THAP2: variants seen among roughly 807,000 people sequenced by gnomAD.
THAP2 encodes THAP domain containing 2.
A neutral mutation model predicts 18.8 loss-of-function variants in THAP2; 16 were observed. That is an observed-to-expected ratio of 0.85 (90% CI 0.58 to 1.29). The LOEUF is 1.29. Among genes scored for constraint, THAP2 ranks in the 50% most tolerant of loss-of-function variants. THAP2 has a pLI of 0.00. For synonymous variants in THAP2, 80 were observed against 89.2 expected (o/e 0.90, Z 0.58); for missense variants, 251 against 265.3 (o/e 0.95, Z 0.38).
At chr12:71,676,604 A>G (rs1881523554) in intron 2 of THAP2, 85 bp from the exon 3 acceptor site, 1 of 1,395,990 alleles carries the variant, frequency 7.2e-7, no homozygotes, top group Admixed American at 2.4e-5. Flanking sequence ...AGCAGTTTAA[A>G]TACTGTTATC....
Position 71,664,475 on chromosome 12 carries a change from G to A in THAP2, c.-35G>A. On this transcript the variant is annotated 5_prime_UTR_variant, in exon 1 of 3. Transcript: ENST00000308086. ...AAGCTTAGCAGCCAGCGCCTCAGTA[G>A]AGACCTAAGGGCGCTGAATGAGTGG... The A allele has an allele frequency of 6.2e-7, 1 of 1,613,574 alleles. No individual in the cohort carries two copies. The highest frequency in any genetic ancestry group is 8.5e-7 in the Non-Finnish European group (1 of 1,179,588).
intron 1 of THAP2, among the ~76,000 whole-genome samples, chr12:71,671,805 T>G (rs751265287): frequency 4.6e-5 from 7 of 152,174 alleles, no homozygotes; most frequent in Admixed American, 4.6e-4. Context: ...TTAAAGACAT[T>G]GAGTTTGAGG....
Position 71,664,418 on chromosome 12 carries a change from C to G in THAP2, c.-92C>G. ...ACTAAGCTCTCACGATTAAGGCACG[C>G]CTGCCTCGATTGTCCAGCCTCTGCC... On this transcript the variant is annotated 5_prime_UTR_variant, in exon 1 of 3. Transcript: ENST00000308086. 1 of 1,514,586 alleles carries G rather than the reference C, an allele frequency of 6.6e-7. No homozygotes were observed. The highest frequency in any genetic ancestry group is 9.2e-7 in the Non-Finnish European group (1 of 1,091,602). 93.8% of individuals were successfully genotyped at this position (1,514,586 alleles called of 1,614,324 possible). A position where few individuals can be genotyped will look rare whatever the true frequency, so the allele number is the denominator to read the frequency against.
chr12:71,667,724 C>G (rs1479653486), intron 1 of THAP2: 1 of 152,158 alleles, frequency 6.6e-6, no homozygotes, highest in Non-Finnish European at 1.5e-5. Context: ...TAAATGTTCT[C>G]TAGGGAGGGG....
At chr12:71,676,297 G>A (rs978052372) in intron 2 of THAP2, among the ~76,000 whole-genome samples, 2 of 151,942 alleles carry the variant, frequency 1.3e-5, no homozygotes, top group Non-Finnish European at 2.9e-5. Context: ...TGAGAAAAGG[G>A]TATTTAATTA....
chr12:71,671,129 G>A (rs1881429926), intron 1 of THAP2, among the ~76,000 whole-genome samples: 1 of 151,952 alleles, frequency 6.6e-6, no homozygotes, highest in South Asian at 2.1e-4. Flanking sequence ...GGAAAGGCAG[G>A]CACGCTCAGT....
chr12:71,675,244 A>G (rs1881503668), intron 2 of THAP2, among the ~76,000 whole-genome samples: 1 of 152,092 alleles, frequency 6.6e-6, no homozygotes, highest in African/African-American at 2.4e-5. Context: ...TTTTAAATGT[A>G]TATGAGTTAT....
Position 71,677,000 on chromosome 12 carries a change from T to G in THAP2, c.579T>G (p.Thr193=), listed in dbSNP as rs1373593224. Residue 193 remains threonine (T), a synonymous_variant, in exon 3 of 3, where the codon ACT becomes ACG. Coordinates refer to ENST00000308086, the MANE Select transcript of THAP2 (RefSeq NM_031435.4). The stretch of plus-strand genomic sequence containing the variant: ...GTACATCAGAACACATGTTACCAAC[T>G]GCCTTAAGCAGTCTTCCTTTGGAAG... ...PKGTSEHMLP[T]ALSSLPLEDF... 4.0e-5 allele frequency: 64 copies of G among 1,613,656 alleles called. No homozygotes were observed. Among genetic ancestry groups the G allele is most frequent in the Non-Finnish European group, 5.3e-5 (63 of 1,179,656 alleles).
At chr12:71,673,378 T>C (rs577920875) in intron 1 of THAP2, among the ~76,000 whole-genome samples, 1 of 152,280 alleles carries the variant, frequency 6.6e-6, no homozygotes, top group Admixed American at 6.5e-5. Flanking sequence ...AAAATACACA[T>C]ATAATTGGAC....
chr12:71,674,076 T>C (rs1881483136), intron 1 of THAP2, 127 bp from the exon 2 acceptor site: 1 of 886,928 alleles, frequency 1.1e-6, no homozygotes, highest in South Asian at 2.3e-5. Context: ...TGTCTGGATA[T>C]TGTTAGTTTA....
In THAP2 at chr12:71,664,535, G is replaced by T; in HGVS notation, c.26G>T (p.Gly9Val). MPTNCAAAGCATTYNKHIN... is the reference protein window; with the variant it reads MPTNCAAAVCATTYNKHIN... ...ATGCCGACCAATTGCGCTGCGGCGGGCTGTGCCACTACCTACAACAAGCAC... is the reference window on the plus strand; with the variant it reads ...ATGCCGACCAATTGCGCTGCGGCGGTCTGTGCCACTACCTACAACAAGCAC... Residue 9 changes from glycine to valine, a missense_variant, in exon 1 of 3, where the codon GGC becomes GTC. Physicochemically the swap from Gly to Val is moderately radical, Grantham distance 109. Coordinates refer to ENST00000308086, the MANE Select transcript of THAP2 (RefSeq NM_031435.4). 6.2e-7 allele frequency: 1 copy of T among 1,614,170 alleles called. No individual in the cohort carries two copies. The highest frequency in any genetic ancestry group is 8.5e-7 in the Non-Finnish European group (1 of 1,180,030).
At chr12:71,668,806 G>A (rs1379034860) in intron 1 of THAP2, among the ~76,000 whole-genome samples, 1 of 152,150 alleles carries the variant, frequency 6.6e-6, no homozygotes, top group African/African-American at 2.4e-5. Context: ...TTCTATTACT[G>A]TCTAGATAAG....
At chr12:71,665,189 C>T (rs1223191549) in intron 1 of THAP2, 1 of 508,594 alleles carries the variant, frequency 2.0e-6, no homozygotes, top group Non-Finnish European at 3.5e-6. Flanking sequence ...TCTGTCAAAC[C>T]AGAACTCTTG....
rs563532780 is a variant in THAP2, at chr12:71,674,152, C to G, written c.72-51C>G. The G allele has an allele frequency of 9.5e-3, 14,173 of 1,485,624 alleles. 94 individuals are homozygous for G. Among genetic ancestry groups the G allele is most frequent in the Non-Finnish European group, 0.011 (11,999 of 1,113,594 alleles). 92.0% of individuals were successfully genotyped at this position (1,485,624 alleles called of 1,614,324 possible). On this transcript the variant is annotated intron_variant, in intron 1 of 2. Transcript: ENST00000308086. ...GAAATTTCTTTTAATCATTTAGGTG[C>G]AGCCAGAATTATGATAGTTGGAATT...
chr12:71,665,588 T>G (rs2137575025), intron 1 of THAP2: 1 of 152,352 alleles, frequency 6.6e-6, no homozygotes, highest in East Asian at 1.9e-4. Context: ...AATTTAATGG[T>G]GGAGAAAGAC....
chr12:71,668,719 T>A (rs1881384799), intron 1 of THAP2, among the ~76,000 whole-genome samples: 1 of 152,232 alleles, frequency 6.6e-6, no homozygotes, highest in Non-Finnish European at 1.5e-5. Context: ...CAACTAATTA[T>A]TGAAGATGCA....
intron 1 of THAP2, among the ~76,000 whole-genome samples, chr12:71,669,805 A>G (rs905473018): frequency 6.6e-6 from 1 of 151,952 alleles, no homozygotes; most frequent in African/African-American, 2.4e-5. Flanking sequence ...AAATATAGAA[A>G]AAAAATTAGC....
At chr12:71,665,137 GT>G in intron 1 of THAP2, 2 of 548,174 alleles carry the variant, frequency 3.6e-6, no homozygotes, top group South Asian at 4.8e-5. Flanking sequence ...AAGAACCTAG[GT>G]TTTCTTTTGT....
rs778130242 is a variant in THAP2, at chr12:71,664,478, A to G, written c.-32A>G. The G allele has an allele frequency of 6.2e-7, 1 of 1,613,604 alleles. No homozygotes were observed. Among genetic ancestry groups the G allele is most frequent in the Admixed American group, 1.7e-5 (1 of 60,016 alleles). On this transcript the variant is annotated 5_prime_UTR_variant, in exon 1 of 3. Coordinates refer to ENST00000308086, the MANE Select transcript of THAP2 (RefSeq NM_031435.4). ...CTTAGCAGCCAGCGCCTCAGTAGAG[A>G]CCTAAGGGCGCTGAATGAGTGGGAA...
Sources: gnomAD v4.1 joint callset for allele counts (sites outside exome capture counted in the v4.1 genomes callset) on GRCh38, gnomAD v4.1.1 for gene constraint, MANE v1.5 for transcripts, NCBI Gene and HGNC (gene_info 2026-07-23, HGNC 2026-07-21) for gene names.